The following TSEN34 variants were observed in gnomAD, a reference collection of about 807,000 sequenced individuals.
The protein encoded by TSEN34 is tRNA-splicing endonuclease subunit Sen34.
Under a neutral mutation model 30.2 loss-of-function variants are expected in TSEN34, and 25 were observed. The ratio of observed to expected loss-of-function variants is 0.83; its 90% CI spans 0.60 to 1.16. The LOEUF is 1.16. Among genes scored for constraint, TSEN34 ranks in the 50% most tolerant of loss-of-function variants. The pLI, the probability that TSEN34 is intolerant of heterozygous loss-of-function variation, is 0.00. For synonymous variants in TSEN34, 209 were observed against 177.4 expected (o/e 1.18, Z -1.41); for missense variants, 475 against 411.9 (o/e 1.15, Z -1.33).
In TSEN34 at chr19:54,193,338, C is replaced by T. The variant is rs527293280; in HGVS notation, c.909C>T (p.Ser303=). The T allele has an allele frequency of 7.4e-5, 120 of 1,614,172 alleles. No homozygotes were observed. In the East Asian group the frequency reaches 8.9e-4, roughly 12 times the overall value. The change falls in exon 4 of 4, where the codon TCC becomes TCT. Residue 303 remains serine, a synonymous_variant. Coordinates refer to ENST00000396388, the MANE Select transcript of TSEN34 (RefSeq NM_001077446.4). ...PQPDGKVVYT[S]LQWASLQ ...CTGATGGTAAGGTGGTCTACACCTC[C>T]CTGCAATGGGCCAGCCTGCAGTGAA...
In TSEN34 at chr19:54,192,369, T is replaced by C. The variant is rs764050899; in HGVS notation, c.741T>C (p.Tyr247=). The change falls in exon 3 of 4, where the codon TAT becomes TAC. Residue 247 remains tyrosine, a synonymous_variant. Transcript: ENST00000396388. ...AGTTCGGAGGTGACTTCCTGGTCTA[T>C]CCTGGTGAGTATGGGTTGGGGCCTC... The part of the protein sequence containing the change: ...AGKFGGDFLV[Y]PGDPLRFHAH... 10 of 1,614,020 alleles carry C rather than the reference T, an allele frequency of 6.2e-6. No individual in the cohort carries two copies. The highest frequency in any genetic ancestry group is 7.6e-6 in the Non-Finnish European group (9 of 1,180,036).
chr19:54,190,814 A>G, upstream of TSEN34: 12 of 1,076,266 alleles, frequency 1.1e-5, no homozygotes, highest in Non-Finnish European at 1.4e-5. Context: ...AGGAGGTCCG[A>G]AAGCCGAATC....
Position 54,193,889 on chromosome 19 carries a change from T to G in TSEN34, c.*527T>G. On this transcript the variant is annotated 3_prime_UTR_variant, in exon 4 of 4. Coordinates refer to ENST00000396388, the MANE Select transcript of TSEN34 (RefSeq NM_001077446.4). ...AAAGATTTCTATGAAATTTCCCAGA[T>G]GCATACAAACGTTATAAATAAAAAT... The G allele has an allele frequency of 6.8e-6, 4 of 586,168 alleles. No individual in the cohort carries two copies. The highest frequency in any genetic ancestry group is 1.2e-5 in the Non-Finnish European group (4 of 330,958). The allele number at this position is 586,168 out of a possible 1,614,324, so 36.3% of individuals were successfully genotyped here. A position where few individuals can be genotyped will look rare whatever the true frequency, so the allele number is the denominator to read the frequency against.
At chr19:54,192,935 G>A (rs1214472333) in intron 3 of TSEN34, among the ~76,000 whole-genome samples, 1 of 148,756 alleles carries the variant, frequency 6.7e-6, no homozygotes, top group African/African-American at 2.5e-5. Flanking sequence ...AACCCAGGGG[G>A]CAGAGGTTGT....
chr19:54,191,638 G>T (rs751414263), intron 1 of TSEN34, 31 bp downstream of exon 1: 2 of 1,607,334 alleles, frequency 1.2e-6, no homozygotes, highest in Admixed American at 3.3e-5. Flanking sequence ...CTCGGGTTCG[G>T]TGGGAGCGGG....
At chr19:54,191,070 C>G, upstream of TSEN34, 1 of 1,282,082 alleles carries the variant, frequency 7.8e-7, no homozygotes, top group Non-Finnish European at 9.8e-7. Flanking sequence ...AGAGCGGGTG[C>G]CGACCGCAGG....
In TSEN34 at chr19:54,193,657, T is replaced by C. The variant is rs1381759418; in HGVS notation, c.*295T>C. The stretch of plus-strand genomic sequence containing the variant: ...TCAGGAGGTCTCAATAAACTTGGTA[T>C]ATAAATGTTCATGATTTGAATGTTT... On this transcript the variant is annotated 3_prime_UTR_variant, in exon 4 of 4. Transcript: ENST00000396388. The C allele has an allele frequency of 1.0e-6, 1 of 958,330 alleles. No individual in the cohort carries two copies. Among genetic ancestry groups the C allele is most frequent in the Non-Finnish European group, 1.6e-6 (1 of 619,454 alleles). 59.4% of individuals were successfully genotyped at this position (958,330 alleles called of 1,614,324 possible). A position where few individuals can be genotyped will look rare whatever the true frequency, so the allele number is the denominator to read the frequency against.
chr19:54,191,307 C>G, upstream of TSEN34: 1 of 1,546,488 alleles, frequency 6.5e-7, no homozygotes, highest in Non-Finnish European at 8.7e-7. Flanking sequence ...TGCGCTGCAG[C>G]GGTCCGCGGC....
upstream of TSEN34, chr19:54,190,334 G>A (rs1600694734): frequency 2.6e-6 from 4 of 1,523,290 alleles, no homozygotes. Flanking sequence ...GGTGCGCAGT[G>A]GGTGGCTCCA....
chr19:54,191,539 C>T lies in TSEN34; in HGVS notation c.175C>T (p.Leu59Phe). 6.2e-7 allele frequency: 1 copy of T among 1,601,134 alleles called. No homozygotes were observed. Among genetic ancestry groups the T allele is most frequent in the South Asian group, 1.1e-5 (1 of 90,950 alleles). ...GCTGCTGATGCCCGAAGAGGCGCGGCTCTTGGCCGAGATCGGCGCCGTGAC... is the reference window on the plus strand; with the variant it reads ...GCTGCTGATGCCCGAAGAGGCGCGGTTCTTGGCCGAGATCGGCGCCGTGAC... ...PLLLMPEEAR[L>F]LAEIGAVTLV... The change falls in exon 1 of 4, where the codon CTC becomes TTC. Residue 59 changes from leucine to phenylalanine, a missense_variant. Coordinates refer to ENST00000396388, the MANE Select transcript of TSEN34 (RefSeq NM_001077446.4).
Position 54,191,788 on chromosome 19 carries a change from C to T in TSEN34, c.311C>T (p.Ala104Val), listed in dbSNP as rs373424419. The T allele has an allele frequency of 1.1e-5, 17 of 1,614,194 alleles. No individual in the cohort carries two copies. In the African/African-American group the frequency reaches 2.1e-4, roughly 20 times the overall value. Residue 104 changes from alanine to valine, a missense_variant, in exon 2 of 4, where the codon GCC (alanine) becomes GTC (valine). By Grantham distance (64) the Ala-to-Val change is moderately conservative. Transcript: ENST00000396388. ...GAGCAGAGCGCCTTGGCAGCTGAGG[C>T]CCGGGAGACCCGTCGTCAGGAGCTC... Reference protein sequence around the residue: ...FQEQSALAAEARETRRQELLE... With the variant: ...FQEQSALAAEVRETRRQELLE...
chr19:54,191,191 G>C (rs566932562), upstream of TSEN34: 1,676 of 1,387,238 alleles, frequency 1.2e-3, 23 homozygotes, highest in African/African-American at 0.022. Flanking sequence ...TCGCCCGGGG[G>C]CGGGGCCTGG....
rs770148273 is a variant in TSEN34, at chr19:54,192,223, C to A, written c.595C>A (p.Pro199Thr). The change falls in exon 3 of 4, where the codon CCC becomes ACC. Residue 199 changes from proline to threonine, a missense_variant. Transcript: ENST00000396388. ...CAGGCCTCGACCGGTCAAGGCCAGG[C>A]CCCTGGACTGGCGTGTCCAGTCTAA... ...TARPRPVKAR[P>T]LDWRVQSKDW... 6.2e-7 allele frequency: 1 copy of A among 1,614,008 alleles called. No homozygotes were observed. Among genetic ancestry groups the A allele is most frequent in the African/African-American group, 1.3e-5 (1 of 74,926 alleles).
chr19:54,190,042 G>A (rs2076603973), upstream of TSEN34: 3 of 531,182 alleles, frequency 5.6e-6, no homozygotes, highest in Admixed American at 3.7e-5. Context: ...ACAAGGGGGC[G>A]GGGCGAAAGC....
chr19:54,190,762 T>G, upstream of TSEN34: 6 of 1,165,442 alleles, frequency 5.1e-6, no homozygotes, highest in Non-Finnish European at 6.4e-6. Flanking sequence ...CTTCCTGTGC[T>G]CGGGAGGGGG....
At chr19:54,190,329 G>A (rs768302012), upstream of TSEN34, 25 of 1,514,746 alleles carry the variant, frequency 1.7e-5, no homozygotes, top group South Asian at 2.8e-4. Context: ...GGCGCGGTGC[G>A]CAGTGGGTGG....
At chr19:54,190,916 C>T (rs2076651278), upstream of TSEN34, 1 of 1,050,590 alleles carries the variant, frequency 9.5e-7, no homozygotes, top group Non-Finnish European at 1.1e-6. Flanking sequence ...CTTCTGACCG[C>T]TGACGGGAAC....
rs1382196295 is a variant in TSEN34 at position 54,191,354 on chromosome 19, C to G, written c.-11C>G. 1 of 1,549,578 alleles carries G rather than the reference C, an allele frequency of 6.5e-7. No homozygotes were observed. The highest frequency in any genetic ancestry group is 1.2e-5 in the South Asian group (1 of 84,098). On this transcript the variant is annotated 5_prime_UTR_variant, in exon 1 of 4. Coordinates refer to ENST00000396388, the MANE Select transcript of TSEN34 (RefSeq NM_001077446.4). ...TCGGTAACTGCTTTGCCTCCCGGCT[C>G]CCGCAGGAGGATGCTGGTGGTGGAG...
chr19:54,192,191 C>G lies in TSEN34; in HGVS notation c.563C>G (p.Ala188Gly). ...LPRSALLVQL[A>G]TARPRPVKAR... Reference sequence around the variant, plus strand: ...AGATCTGCTCTCCTTGTCCAGCTGGCCACTGCCAGGCCTCGACCGGTCAAG... The same window carrying G: ...AGATCTGCTCTCCTTGTCCAGCTGGGCACTGCCAGGCCTCGACCGGTCAAG... The change falls in exon 3 of 4, where the codon GCC becomes GGC. Residue 188 changes from alanine (A) to glycine (G), a missense_variant. Physicochemically the swap from Ala to Gly is moderately conservative, Grantham distance 60. Transcript: ENST00000396388. The G allele has an allele frequency of 6.2e-7, 1 of 1,614,200 alleles. No individual in the cohort carries two copies. Among genetic ancestry groups the G allele is most frequent in the East Asian group, 2.2e-5 (1 of 44,882 alleles).
Sources: gnomAD v4.1 joint callset for allele counts (sites outside exome capture counted in the v4.1 genomes callset) on GRCh38, gnomAD v4.1.1 for gene constraint, MANE v1.5 for transcripts, NCBI Gene and HGNC (gene_info 2026-07-23, HGNC 2026-07-21) for gene names.